The following TMC3 variants were observed in gnomAD, a reference collection of about 807,000 sequenced individuals.
The protein encoded by TMC3 is transmembrane channel-like protein 3.
Under a neutral mutation model 110.6 loss-of-function variants are expected in TMC3, and 98 were observed. The ratio of observed to expected loss-of-function variants is 0.89; its 90% CI spans 0.75 to 1.05. The LOEUF (loss-of-function observed/expected upper bound fraction) is 1.05. TMC3 is among the 50% of genes least tolerant of loss of function. The pLI is 0.00. For synonymous variants in TMC3, 489 were observed against 513.1 expected (o/e 0.95, Z 0.63); for missense variants, 1,319 against 1,373.2 (o/e 0.96, Z 0.62).
chr15:81,346,058 A>G (rs1335769560), intron 12 of TMC3, among the ~76,000 whole-genome samples: 1 of 152,128 alleles, frequency 6.6e-6, no homozygotes, highest in Non-Finnish European at 1.5e-5. Flanking sequence ...ATAGCTGTTG[A>G]TAGCCTTTTC....
Position 81,374,100 on chromosome 15 carries a change from A to T in TMC3, c.-23T>A. The T allele has an allele frequency of 6.2e-7, 1 of 1,609,000 alleles. No homozygotes were observed. The highest frequency in any genetic ancestry group is 8.5e-7 in the Non-Finnish European group (1 of 1,176,130). ...CATGGGAGCTAACCCACTGCTAACA[A>T]TCAGAAGCTGGCCAGAGAGCTAGGA... On this transcript the variant is annotated 5_prime_UTR_variant, in exon 1 of 22. The change creates a new upstream start codon in the 5' untranslated region. Transcript: ENST00000359440.
Position 81,367,275 on chromosome 15 carries a change from A to G in TMC3, c.312+978T>C, listed in dbSNP as rs563279785. ...CAGTCATTGAAAACCATTAAATATA[A>G]AAACTATATAGCAACATGGAAAAAA... On this transcript the variant is annotated intron_variant, in intron 3 of 21. Transcript: ENST00000359440. Among the ~76,000 whole-genome samples, 145 of 151,708 alleles carry G rather than the reference A, an allele frequency of 9.6e-4. 5 individuals carry two copies. The highest frequency in any genetic ancestry group is 1.1e-3 in the Non-Finnish European group (76 of 67,954).
chr15:81,341,400 GA>G lies in TMC3; in HGVS notation c.1833del (p.Arg612GlufsTer35), dbSNP rs1567062218. 6.2e-7 allele frequency: 1 copy of G among 1,610,452 alleles called. No homozygotes were observed. Among genetic ancestry groups the G allele is most frequent in the Non-Finnish European group, 8.5e-7 (1 of 1,178,232 alleles). ...LTCNVPHQQV[F>X]RASRSNNFYL... ...CTTATTCTTACTCACCTTGAGGCTC[GA>G]AATACTTGCTGGTGGGGCACATTGC... On this transcript the variant is annotated frameshift_variant, in exon 16 of 22. Coordinates refer to ENST00000359440, the MANE Select transcript of TMC3 (RefSeq NM_001080532.3). LOFTEE classifies it high-confidence loss of function.
chr15:81,339,315 G>T, intron 17 of TMC3, 79 bp downstream of exon 17: 2 of 1,078,004 alleles, frequency 1.9e-6, no homozygotes, highest in Non-Finnish European at 1.4e-6. Context: ...CTGTGAGCTT[G>T]GAGGAGAATT....
At chr15:81,338,634 G>T (rs1893647108) in intron 18 of TMC3, 21 bp downstream of exon 18, 1 of 1,609,422 alleles carries the variant, frequency 6.2e-7, no homozygotes, top group Admixed American at 1.7e-5. Flanking sequence ...TCCCTCCAAA[G>T]CTGGCAGGTG....
At chr15:81,346,478 CA>C in intron 11 of TMC3, 35 bp from the exon 12 acceptor site, 1 of 1,603,752 alleles carries the variant, frequency 6.2e-7, no homozygotes, top group Non-Finnish European at 8.5e-7. Flanking sequence ...GAAACAAGAC[CA>C]TGGCATAGAA....
rs1255250867 is a variant in TMC3 at position 81,336,296 on chromosome 15, T to C, written c.2203+313A>G. Among the ~76,000 whole-genome samples, 3 of 152,162 alleles carry C rather than the reference T, an allele frequency of 2.0e-5. No individual in the cohort carries two copies. The East Asian group carries it at 5.8e-4, about 29-fold the overall frequency. ...AAAAAAAATATTAGGACAGGTGCAG[T>C]GGCTCACACCTAGAGCTAGCTCTAG... On this transcript the variant is annotated intron_variant, in intron 20 of 21. Coordinates refer to ENST00000359440, the MANE Select transcript of TMC3 (RefSeq NM_001080532.3).
intron 18 of TMC3, 43 bp from the exon 19 acceptor site, chr15:81,337,967 C>T: frequency 4.7e-6 from 7 of 1,481,748 alleles, no homozygotes; most frequent in Non-Finnish European, 6.6e-6. Flanking sequence ...CTGCAACTCG[C>T]TTTTCTGCTT....
intron 10 of TMC3, among the ~76,000 whole-genome samples, chr15:81,350,560 C>T (rs1893925981): frequency 6.6e-6 from 1 of 152,150 alleles, no homozygotes; most frequent in African/African-American, 2.4e-5. Flanking sequence ...TACAAGCACA[C>T]AGCAACTCAA....
At position 81,332,858 on chromosome 15, in the gene TMC3, T is replaced by C. The variant is rs200892782; in HGVS notation, c.2864A>G (p.Lys955Arg). The C allele has an allele frequency of 1.2e-5, 20 of 1,613,410 alleles. No homozygotes were observed. In the African/African-American group the frequency reaches 1.9e-4, roughly 15 times the overall value. The change falls in exon 22 of 22, where the codon AAA becomes AGA. Residue 955 changes from lysine (K) to arginine (R), a missense_variant. Physicochemically the swap from Lys to Arg is conservative, Grantham distance 26. Coordinates refer to ENST00000359440, the MANE Select transcript of TMC3 (RefSeq NM_001080532.3). ...EEETPSRDWIKRSLPPRSLID... is the reference protein window; with the variant it reads ...EEETPSRDWIRRSLPPRSLID... ...CAGGGAGCGTGGGGGAAGAGACCGT[T>C]TGATCCAATCTCTGCTTGGCGTCTC...
At chr15:81,372,870 C>CGCGT in intron 1 of TMC3, 133 bp from the exon 2 acceptor site, 1 of 554,750 alleles carries the variant, frequency 1.8e-6, no homozygotes, top group South Asian at 2.4e-5. Context: ...TGTGTTTGTG[C>CGCGT]GTGTGTGTGT....
intron 16 of TMC3, among the ~76,000 whole-genome samples, chr15:81,340,277 CAGA>C (rs1277458720): frequency 1.3e-5 from 2 of 152,036 alleles, no homozygotes; most frequent in Non-Finnish European, 2.9e-5. Flanking sequence ...TAAAAGAGAA[CAGA>C]AGATTTCAGA....
In TMC3 at chr15:81,332,736, A is replaced by G. The variant is rs1893493062; in HGVS notation, c.2986T>C (p.Trp996Arg). ...EHQGRVHYKS[W>R]NEDFEGHLER... ...AGGTGACCCTCAAAATCTTCATTCC[A>G]CGACTTGTAGTGCACCCTCCCCTGG... Residue 996 changes from tryptophan (W) to arginine (R), a missense_variant, in exon 22 of 22, where the codon TGG becomes CGG. Coordinates refer to ENST00000359440, the MANE Select transcript of TMC3 (RefSeq NM_001080532.3). 1 of 1,613,406 alleles carries G rather than the reference A, an allele frequency of 6.2e-7. No homozygotes were observed. Among genetic ancestry groups the G allele is most frequent in the Non-Finnish European group, 8.5e-7 (1 of 1,179,780 alleles).
At chr15:81,365,551 AT>A (rs1301361195) in intron 3 of TMC3, among the ~76,000 whole-genome samples, 5 of 151,832 alleles carry the variant, frequency 3.3e-5, no homozygotes, top group African/African-American at 4.8e-5. Flanking sequence ...GGCGCCTGTA[AT>A]CCCAGCTACT....
At chr15:81,373,266 G>A (rs773929519) in intron 1 of TMC3, among the ~76,000 whole-genome samples, 1 of 152,092 alleles carries the variant, frequency 6.6e-6, no homozygotes, top group Non-Finnish European at 1.5e-5. Flanking sequence ...GCAGAGCCAG[G>A]CAAAGCAATT....
intron 7 of TMC3, among the ~76,000 whole-genome samples, chr15:81,357,167 A>G (rs1170372320): frequency 6.6e-6 from 1 of 151,990 alleles, no homozygotes; most frequent in Non-Finnish European, 1.5e-5. Flanking sequence ...TCTGTCTCTT[A>G]CATTGTATGT....
rs1251499661 is a variant in TMC3 at position 81,337,931 on chromosome 15, C to T, written c.2082-7G>A. 6.2e-7 allele frequency: 1 copy of T among 1,610,722 alleles called. No individual in the cohort carries two copies. The highest frequency in any genetic ancestry group is 1.3e-5 in the African/African-American group (1 of 74,844). ...GAGATAATAGATGAGCATGCTAGGA[C>T]AGAACAACACAGGACAATGAGTGGA... On this transcript the variant is annotated splice_region_variant and splice_polypyrimidine_tract_variant and intron_variant, in intron 18 of 21. Coordinates refer to ENST00000359440, the MANE Select transcript of TMC3 (RefSeq NM_001080532.3).
In TMC3 at chr15:81,332,409, T is replaced by C. The variant is rs773770636; in HGVS notation, c.*10A>G. On this transcript the variant is annotated 3_prime_UTR_variant, in exon 22 of 22. Coordinates refer to ENST00000359440, the MANE Select transcript of TMC3 (RefSeq NM_001080532.3). ...GGCCTGACCTCTAGGAACGGGACAC[T>C]GGAGGAAGCCTAGACATCTGAACAA... 1.3e-6 allele frequency: 2 copies of C among 1,587,946 alleles called. No homozygotes were observed. The highest frequency in any genetic ancestry group is 3.4e-5 in the Admixed American group (2 of 58,562).
At chr15:81,340,502 A>T (rs1030253565) in intron 16 of TMC3, among the ~76,000 whole-genome samples, 3 of 152,240 alleles carry the variant, frequency 2.0e-5, no homozygotes, top group Non-Finnish European at 4.4e-5. Context: ...AAAGCCACTG[A>T]TATAGACACA....
Sources: allele counts gnomAD v4.1 joint callset (sites outside exome capture counted in the v4.1 genomes callset), GRCh38; gene constraint gnomAD v4.1.1; transcripts MANE v1.5; gene names NCBI Gene and HGNC (gene_info 2026-07-23, HGNC 2026-07-21).